CAD: variants seen among roughly 807,000 people sequenced by gnomAD.
CAD encodes the protein multifunctional protein CAD.
CAD carries 81 observed loss-of-function variants against 237.2 expected under a neutral mutation model. The ratio of observed to expected loss-of-function variants is 0.34; its 90% CI spans 0.29 to 0.41. The LOEUF (loss-of-function observed/expected upper bound fraction) is 0.41, where lower values mean the gene tolerates loss of function less well. Among genes scored for constraint, CAD ranks in the 10% least tolerant of loss-of-function variants. The pLI is 1.00. For missense variants in CAD, 2,181 were observed against 2,951.7 expected (o/e 0.74, Z 6.05); for synonymous variants, 1,196 against 1,162.8 (o/e 1.03, Z -0.58).
Position 27,242,433 on chromosome 2 carries a change from G to A in CAD, c.6222+6G>A, listed in dbSNP as rs1240378332. Reference sequence around the variant, plus strand: ...GAACTGTCAATGGCATGACGGTGAGGGTGGTGGCAGGGTTTGGATCCCTGC... The same window carrying A: ...GAACTGTCAATGGCATGACGGTGAGAGTGGTGGCAGGGTTTGGATCCCTGC... On this transcript the variant is annotated splice_donor_region_variant and intron_variant, in intron 40 of 43. Transcript: ENST00000264705. The surrounding 1 kb of genome is among the most constrained non-coding windows in gnomAD (Gnocchi z 6.4). The A allele has an allele frequency of 1.9e-6, 3 of 1,612,434 alleles. No homozygotes were observed. The highest frequency in any genetic ancestry group is 2.5e-6 in the Non-Finnish European group (3 of 1,179,050).
intron 31 of CAD, 97 bp from the exon 32 acceptor site, chr2:27,238,945 G>C (rs1488157680): frequency 1.7e-6 from 2 of 1,163,500 alleles, no homozygotes; most frequent in East Asian, 4.8e-5. Flanking sequence ...GTGGTAGTGA[G>C]CATAAGGAGG....
In CAD at chr2:27,231,521, C is replaced by T. The variant is rs1237542890; in HGVS notation, c.2341C>T (p.Arg781Cys). The change falls in exon 16 of 44, where the codon CGC becomes TGC. Residue 781 changes from arginine to cysteine, a missense_variant. Coordinates refer to ENST00000264705, the MANE Select transcript of CAD (RefSeq NM_004341.5). ...TGAGGAGGCCTTCCAGAAGGCCCTG[C>T]GCATGGTGGATGAGAACTGTGTGGG... ...SFEEAFQKAL[R>C]MVDENCVGFD... is the part of the protein sequence containing the mutation. 5 of 1,613,734 alleles carry T rather than the reference C, an allele frequency of 3.1e-6. No individual in the cohort carries two copies. Among genetic ancestry groups the T allele is most frequent in the East Asian group, 2.2e-5 (1 of 44,876 alleles).
intron 2 of CAD, among the ~76,000 whole-genome samples, chr2:27,218,656 A>G (rs1674997404): frequency 6.6e-6 from 1 of 151,794 alleles, no homozygotes; most frequent in Non-Finnish European, 1.5e-5. Flanking sequence ...TTGTGTTCTT[A>G]CCTCTAGGTG....
Position 27,239,731 on chromosome 2 carries a change from G to A in CAD, c.5429G>A (p.Arg1810Gln), listed in dbSNP as rs139332887. The part of the protein sequence containing the change: ...LVPPGYGQDV[R>Q]KWPQGAVPQL... Reference sequence around the variant, plus strand: ...CCCCCGGGCTATGGACAGGATGTACGGAAGTGGCCACAGGGGGCTGTTCCT... The same window carrying A: ...CCCCCGGGCTATGGACAGGATGTACAGAAGTGGCCACAGGGGGCTGTTCCT... The change falls in exon 34 of 44, where the codon CGG (arginine) becomes CAG (glutamine). Residue 1810 changes from arginine to glutamine, a missense_variant. By Grantham distance (43) the Arg-to-Gln change is conservative (BLOSUM62 1). Around this residue, in one of 12 missense-constraint regions of CAD, gnomAD observed 478 missense variants for 515.0 expected, o/e 0.93. Transcript: ENST00000264705. This position sits in a 1 kb window ranked among gnomAD's most constrained non-coding sequence, Gnocchi z 4.0. 354 of 1,594,470 alleles carry A rather than the reference G, an allele frequency of 2.2e-4. No homozygotes were observed. The highest frequency in any genetic ancestry group is 1.3e-4 in the Non-Finnish European group (153 of 1,169,962).
Position 27,217,612 on chromosome 2 carries a change from G to A in CAD, c.61G>A (p.Val21Met), listed in dbSNP as rs1299526996. ...VLRGQPFGAA[V>M]STAGEVVFQT... ...GCGGGGCCAGCCCTTTGGGGCCGCC[G>A]TGTCGACTGCCGGGGAAGTGGGTAA... is the stretch of plus-strand genomic sequence containing the variant. Residue 21 changes from valine (V) to methionine (M), a missense_variant, in exon 1 of 44, where the codon GTG becomes ATG. Transcript: ENST00000264705. 6.2e-7 allele frequency: 1 copy of A among 1,607,702 alleles called. No homozygotes were observed. Among genetic ancestry groups the A allele is most frequent in the Admixed American group, 1.7e-5 (1 of 59,504 alleles).
rs1473022464 is a variant in CAD at position 27,222,351 on chromosome 2, T to C, written c.495+15T>C. ...TCTCCATTAAGGTACAGAGGTAGAG[T>C]GGGAGAGTGTTGCAAGCTCTAGCAC... is the stretch of plus-strand genomic sequence containing the variant. On this transcript the variant is annotated intron_variant, in intron 4 of 43. Coordinates refer to ENST00000264705, the MANE Select transcript of CAD (RefSeq NM_004341.5). The C allele has an allele frequency of 1.2e-6, 2 of 1,601,632 alleles. No homozygotes were observed. The highest frequency in any genetic ancestry group is 2.2e-5 in the East Asian group (1 of 44,514).
rs1477358901 is a variant in CAD, at chr2:27,239,087, G to T, written c.5108G>T (p.Gly1703Val). 2 of 1,600,590 alleles carry T rather than the reference G, an allele frequency of 1.2e-6. No homozygotes were observed. Among genetic ancestry groups the T allele is most frequent in the African/African-American group, 2.7e-5 (2 of 74,472 alleles). Residue 1703 changes from glycine (G) to valine (V), a missense_variant, in exon 32 of 44, where the codon GGG becomes GTG. Coordinates refer to ENST00000264705, the MANE Select transcript of CAD (RefSeq NM_004341.5). The surrounding 1 kb of genome is among the most constrained non-coding windows in gnomAD (Gnocchi z 4.0). ...EEKCGSRPPP[G>V]FPGLETMLPL... ...AAGTGTGGGTCCAGGCCCCCACCTGGGTTCCCAGGGTTAGAGACCATGCTG... is the reference window on the plus strand; with the variant it reads ...AAGTGTGGGTCCAGGCCCCCACCTGTGTTCCCAGGGTTAGAGACCATGCTG...
In CAD at chr2:27,242,486, G is replaced by T; in HGVS notation, c.6222+59G>T. 6.3e-7 allele frequency: 1 copy of T among 1,592,222 alleles called. No individual in the cohort carries two copies. Among genetic ancestry groups the T allele is most frequent in the Non-Finnish European group, 8.6e-7 (1 of 1,166,170 alleles). On this transcript the variant is annotated intron_variant, in intron 40 of 43. Transcript: ENST00000264705. The surrounding 1 kb of genome is among the most constrained non-coding windows in gnomAD (Gnocchi z 6.4). ...GGGGACGATCTAGAGAGGGAGGCAG[G>T]AAGTGGTTACCCCGGTACAGGACAG...
chr2:27,222,789 A>T, intron 5 of CAD, 77 bp from the exon 6 acceptor site: 1 of 1,572,228 alleles, frequency 6.4e-7, no homozygotes, highest in Non-Finnish European at 8.7e-7. Context: ...TAACACTCTC[A>T]TGGGCTGGGG....
At position 27,242,756 on chromosome 2, in the gene CAD, C is replaced by T. The variant is rs1676382426; in HGVS notation, c.6359C>T (p.Ala2120Val). 1 of 1,614,068 alleles carries T rather than the reference C, an allele frequency of 6.2e-7. No homozygotes were observed. Among genetic ancestry groups the T allele is most frequent in the South Asian group, 1.1e-5 (1 of 91,094 alleles). ...CCACCCACTGTGCGGGCCTTCGTGG[C>T]CTCCCGCGGCACCAAGCAGGTGAGA... is the stretch of plus-strand genomic sequence containing the variant. ...RMPPTVRAFV[A>V]SRGTKQEEFE... The change falls in exon 41 of 44, where the codon GCC becomes GTC. Residue 2120 changes from alanine (A) to valine (V), a missense_variant. Ala to Val is a moderately conservative substitution (Grantham distance 64). Coordinates refer to ENST00000264705, the MANE Select transcript of CAD (RefSeq NM_004341.5). This position sits in a 1 kb window ranked among gnomAD's most constrained non-coding sequence, Gnocchi z 6.4.
chr2:27,237,144 C>T lies in CAD; in HGVS notation c.4397-235C>T, dbSNP rs528368559. Among the ~76,000 whole-genome samples the T allele has an allele frequency of 6.6e-6, 1 of 152,010 alleles. No individual in the cohort carries two copies. Among genetic ancestry groups the T allele is most frequent in the South Asian group, 2.1e-4 (1 of 4,806 alleles). On this transcript the variant is annotated intron_variant, in intron 27 of 43. Transcript: ENST00000264705. This position sits in a 1 kb window ranked among gnomAD's most constrained non-coding sequence, Gnocchi z 4.0. ...GTTCAAGCGATTTTCCTGCCTCAGC[C>T]TCCCAAGTAGCTGGGATTACAGGTG...
rs769222950 is a variant in CAD, at chr2:27,223,794, C to T, written c.995+46C>T. On this transcript the variant is annotated intron_variant, in intron 7 of 43. Transcript: ENST00000264705. ...CTGTGAAAATTTGAAGCCCTGTGGG[C>T]CTTGATGATGGAAAAGTAAAGCACG... is the stretch of plus-strand genomic sequence containing the variant. 8 of 1,600,192 alleles carry T rather than the reference C, an allele frequency of 5.0e-6. No individual in the cohort carries two copies. In the Admixed American group the frequency reaches 1.0e-4, roughly 20 times the overall value.
chr2:27,226,333 C>G lies in CAD; in HGVS notation c.2031+14C>G, dbSNP rs765844187. ...GAGTCTGAGCAGGTAAGCTCTAGGC[C>G]CTGGAACTGATAGTCTAGTTGTTAC... On this transcript the variant is annotated intron_variant, in intron 13 of 43. Transcript: ENST00000264705. The G allele has an allele frequency of 1.4e-5, 22 of 1,611,572 alleles. No individual in the cohort carries two copies. In the South Asian group the frequency reaches 2.3e-4, roughly 17 times the overall value.
Position 27,222,243 on chromosome 2 carries a change from G to A in CAD, c.402G>A (p.Leu134=), listed in dbSNP as rs1429415025. ...LTKKLREQGS[L]LGKLVQNGTE... Reference sequence around the variant, plus strand: ...AGAAGTTGCGGGAACAGGGGTCTCTGCTGGGGAAGCTGGTCCAGAATGGAA... The same window carrying A: ...AGAAGTTGCGGGAACAGGGGTCTCTACTGGGGAAGCTGGTCCAGAATGGAA... The change falls in exon 4 of 44, where the codon CTG becomes CTA. Residue 134 remains leucine, a synonymous_variant. Transcript: ENST00000264705. The A allele has an allele frequency of 6.2e-7, 1 of 1,614,064 alleles. No individual in the cohort carries two copies. Among genetic ancestry groups the A allele is most frequent in the Admixed American group, 1.7e-5 (1 of 60,020 alleles).
chr2:27,243,567 G>C lies in CAD; in HGVS notation c.*49G>C. The C allele has an allele frequency of 7.2e-7, 1 of 1,383,640 alleles. No individual in the cohort carries two copies. The highest frequency in any genetic ancestry group is 2.5e-4 in the Middle Eastern group (1 of 3,990). 85.7% of individuals were successfully genotyped at this position (1,383,640 alleles called of 1,614,324 possible). On this transcript the variant is annotated 3_prime_UTR_variant, in exon 44 of 44. Coordinates refer to ENST00000264705, the MANE Select transcript of CAD (RefSeq NM_004341.5). ...TCTTTAGGCCCAGCTGCTGGGCAAGGAATTCCAGTGCCTCCTACGGGGGCA... is the reference window on the plus strand; with the variant it reads ...TCTTTAGGCCCAGCTGCTGGGCAAGCAATTCCAGTGCCTCCTACGGGGGCA...
At chr2:27,227,897 G>A (rs185795255) in intron 15 of CAD, among the ~76,000 whole-genome samples, 85 of 152,312 alleles carry the variant, frequency 5.6e-4, no homozygotes, top group Middle Eastern at 3.4e-3. Flanking sequence ...TGATTAATTC[G>A]ACCGTGTATC....
At chr2:27,238,977 G>A (rs1676160330) in intron 31 of CAD, 65 bp from the exon 32 acceptor site, 2 of 1,430,620 alleles carry the variant, frequency 1.4e-6, no homozygotes, top group Non-Finnish European at 1.9e-6. Context: ...GCAGTCCTGG[G>A]GTGTGAGTGA....
intron 22 of CAD, 111 bp downstream of exon 22, chr2:27,234,337 G>A: frequency 8.3e-7 from 1 of 1,205,806 alleles, no homozygotes; most frequent in Non-Finnish European, 1.2e-6. Flanking sequence ...AGTAGGCAGG[G>A]AAGCTGGAGG....
chr2:27,242,904 T>G lies in CAD; in HGVS notation c.6411T>G (p.Pro2137=). The G allele has an allele frequency of 6.2e-7, 1 of 1,614,018 alleles. No individual in the cohort carries two copies. The highest frequency in any genetic ancestry group is 8.5e-7 in the Non-Finnish European group (1 of 1,179,882). Residue 2137 remains proline, a synonymous_variant, in exon 42 of 44, where the codon CCT becomes CCG. Coordinates refer to ENST00000264705, the MANE Select transcript of CAD (RefSeq NM_004341.5). This position sits in a 1 kb window ranked among gnomAD's most constrained non-coding sequence, Gnocchi z 6.4. Reference sequence around the variant, plus strand: ...TCGAGAGCATTGAGGAGGCGCTGCCTGACACTGATGTGCTCTACATGACTC... The same window carrying G: ...TCGAGAGCATTGAGGAGGCGCTGCCGGACACTGATGTGCTCTACATGACTC... The part of the protein sequence containing the change: ...EEFESIEEAL[P]DTDVLYMTRI...
Sources: allele counts gnomAD v4.1 joint callset (sites outside exome capture counted in the v4.1 genomes callset), GRCh38; gene constraint gnomAD v4.1.1; regional missense constraint gnomAD v4.1.1; non-coding constraint Gnocchi (gnomAD v3.1); transcripts MANE v1.5; gene names NCBI Gene and HGNC (gene_info 2026-07-23, HGNC 2026-07-21).